Variants in HACL1 observed in about 807,000 individuals in gnomAD.
HACL1 encodes the protein 1600020H07Rik.
HACL1 carries 64 observed loss-of-function variants against 74.2 expected under a neutral mutation model. The ratio of observed to expected loss-of-function variants is 0.86; its 90% confidence interval spans 0.70 to 1.06. The LOEUF (loss-of-function observed/expected upper bound fraction) is 1.06, where lower values mean the gene tolerates loss of function less well. Ranked by LOEUF, HACL1 falls within the 50% of genes least tolerant of loss-of-function variation. The pLI is 0.00. For synonymous variants in HACL1, 230 were observed against 238.8 expected (o/e 0.96, Z 0.34); for missense variants, 728 against 719.7 (o/e 1.01, Z -0.13).
chr3:15,592,095 C>G (rs1212414297), intron 3 of HACL1, among the ~76,000 whole-genome samples: 82 of 139,498 alleles, frequency 5.9e-4, no homozygotes, highest in African/African-American at 2.2e-3. Flanking sequence ...TATACACACA[C>G]TATATACGTA....
At position 15,579,951 on chromosome 3, in the gene HACL1, G is replaced by A. The variant is rs761401678; in HGVS notation, c.762C>T (p.Val254=). The A allele has an allele frequency of 1.2e-6, 2 of 1,611,706 alleles. No homozygotes were observed. The highest frequency in any genetic ancestry group is 1.1e-5 in the South Asian group (1 of 90,964). The change falls in exon 9 of 17, where the codon GTC becomes GTT. Residue 254 remains valine (V), a synonymous_variant. Transcript: ENST00000321169. ...CTACACAGTATGGATGGTTGTCAGG[G>A]ACAACACCCTTCCCCATAGGGGTGG... ...FLPTPMGKGV[V]PDNHPYCVGA... is the part of the protein sequence containing the mutation.
intron 7 of HACL1, among the ~76,000 whole-genome samples, 170 bp from the exon 8 acceptor site, chr3:15,583,159 C>A (rs1232345888): frequency 6.6e-6 from 1 of 152,322 alleles, no homozygotes; most frequent in East Asian, 1.9e-4. Flanking sequence ...TATATACACA[C>A]ATAAACATGC....
intron 2 of HACL1, among the ~76,000 whole-genome samples, chr3:15,598,644 T>C (rs891172070): frequency 3.3e-5 from 5 of 152,218 alleles, no homozygotes; most frequent in Non-Finnish European, 7.3e-5. Flanking sequence ...TGCTGGCCAA[T>C]TGGTCAGTAT....
intron 14 of HACL1, 87 bp from the exon 15 acceptor site, chr3:15,564,745 AAT>A: frequency 1.6e-6 from 1 of 610,742 alleles, no homozygotes; most frequent in South Asian, 2.1e-5. Flanking sequence ...CTTAAAAATG[AAT>A]AGTTTCCTAT....
intron 14 of HACL1, among the ~76,000 whole-genome samples, chr3:15,565,286 T>G (rs563422048): frequency 6.6e-6 from 1 of 152,332 alleles, no homozygotes; most frequent in South Asian, 2.1e-4. Flanking sequence ...ACACCTTCCC[T>G]ATTTAATACT....
At chr3:15,592,639 T>G (rs868392442) in intron 3 of HACL1, among the ~76,000 whole-genome samples, 6 of 14,634 alleles carry the variant, frequency 4.1e-4, no homozygotes, top group Non-Finnish European at 6.5e-4. Flanking sequence ...CGCACATGTG[T>G]GCGTGTATAC....
At chr3:15,569,789 C>T (rs1461629424) in intron 12 of HACL1, among the ~76,000 whole-genome samples, 5 of 151,220 alleles carry the variant, frequency 3.3e-5, no homozygotes, top group Non-Finnish European at 7.4e-5. Context: ...CATTGCACTC[C>T]AGCCTGGGCA....
chr3:15,600,314 C>T (rs1444113336), intron 2 of HACL1, among the ~76,000 whole-genome samples: 1 of 152,138 alleles, frequency 6.6e-6, no homozygotes, highest in Non-Finnish European at 1.5e-5. Flanking sequence ...TAGAAGGCAA[C>T]GGTGGGAGTG....
At chr3:15,587,368 C>T (rs947261735) in intron 5 of HACL1, among the ~76,000 whole-genome samples, 22 of 144,606 alleles carry the variant, frequency 1.5e-4, no homozygotes, top group African/African-American at 5.7e-4. Flanking sequence ...TATCTTGAGG[C>T]ATTATATAGA....
At position 15,562,996 on chromosome 3, in the gene HACL1, C is replaced by A. The variant is rs1444939100; in HGVS notation, c.1704+362G>T. ...TGAGAAGCCTTCCCTGTAACCCCAA[C>A]ATAAATCTGATTCCTTTGTGGTACG... On this transcript the variant is annotated intron_variant, in intron 16 of 16. Coordinates refer to ENST00000321169, the MANE Select transcript of HACL1 (RefSeq NM_012260.4). 2.0e-5 allele frequency among the ~76,000 whole-genome samples: 3 copies of A among 152,116 alleles called. No individual in the cohort carries two copies. In the South Asian group the frequency reaches 6.2e-4, roughly 31 times the overall value.
intron 3 of HACL1, 141 bp from the exon 4 acceptor site, chr3:15,591,821 A>G: frequency 1.8e-6 from 1 of 557,344 alleles, no homozygotes; most frequent in Non-Finnish European, 3.3e-6. Flanking sequence ...AATTATTAGA[A>G]TATTTTTAAT....
chr3:15,591,370 TC>T, intron 4 of HACL1, among the ~76,000 whole-genome samples: 1 of 152,158 alleles, frequency 6.6e-6, no homozygotes, highest in African/African-American at 2.4e-5. Flanking sequence ...ACATTAGATC[TC>T]CAGGCTTTAT....
intron 4 of HACL1, among the ~76,000 whole-genome samples, chr3:15,590,926 C>T (rs2063880906): frequency 6.6e-6 from 1 of 152,058 alleles, no homozygotes; most frequent in South Asian, 2.1e-4. Flanking sequence ...ACTAAAAATA[C>T]AAAAATTAGC....
intron 12 of HACL1, among the ~76,000 whole-genome samples, chr3:15,569,596 C>G (rs1051407347): frequency 6.6e-5 from 10 of 152,030 alleles, no homozygotes; most frequent in Non-Finnish European, 1.5e-4. Flanking sequence ...CCGAGGTGGG[C>G]AGGTCACCTG....
intron 2 of HACL1, among the ~76,000 whole-genome samples, chr3:15,599,079 A>G (rs2064126872): frequency 6.6e-6 from 1 of 152,212 alleles, no homozygotes; most frequent in Non-Finnish European, 1.5e-5. Context: ...CTCAGACATC[A>G]TCTCCTGTGG....
chr3:15,600,521 T>C (rs759090514), intron 2 of HACL1, among the ~76,000 whole-genome samples: 3 of 152,222 alleles, frequency 2.0e-5, no homozygotes, highest in Non-Finnish European at 2.9e-5. Flanking sequence ...GGCAGCATGA[T>C]GTGGTGGAAA....
Position 15,600,291 on chromosome 3 carries a change from C to T in HACL1, c.186+799G>A, listed in dbSNP as rs1434524231. Among the ~76,000 whole-genome samples, 4 of 152,162 alleles carry T rather than the reference C, an allele frequency of 2.6e-5. No homozygotes were observed. In the East Asian group the frequency reaches 7.7e-4, roughly 29 times the overall value. ...AGGCAGTTGTTTGGGCAAGAGGAGG[C>T]AAGAATTTAAATTAGAAGGCAACGG... is the stretch of plus-strand genomic sequence containing the variant. On this transcript the variant is annotated intron_variant, in intron 2 of 16. Coordinates refer to ENST00000321169, the MANE Select transcript of HACL1 (RefSeq NM_012260.4).
At chr3:15,593,837 C>T (rs1210227427) in intron 3 of HACL1, among the ~76,000 whole-genome samples, 1 of 106,704 alleles carries the variant, frequency 9.4e-6, no homozygotes, top group African/African-American at 3.7e-5. Flanking sequence ...CGTTCTTGTT[C>T]CCCAGGCTGC....
At chr3:15,583,660 T>C (rs1438535080) in intron 7 of HACL1, among the ~76,000 whole-genome samples, 1 of 150,978 alleles carries the variant, frequency 6.6e-6, no homozygotes, top group Non-Finnish European at 1.5e-5. Context: ...TCTTTTCTTT[T>C]TTTTTTTCTT....
Sources: gnomAD v4.1 joint callset for allele counts (sites outside exome capture counted in the v4.1 genomes callset) on GRCh38, gnomAD v4.1.1 for gene constraint, MANE v1.5 for transcripts, NCBI Gene and HGNC (gene_info 2026-07-23, HGNC 2026-07-21) for gene names.